Variants in RALGDS observed in about 807,000 individuals in gnomAD.
The protein encoded by RALGDS is ral guanine nucleotide exchange factor.
RALGDS carries 44 observed loss-of-function variants against 99.8 expected under a neutral mutation model. The ratio of observed to expected loss-of-function variants is 0.44; its 90% CI spans 0.35 to 0.57. RALGDS has a LOEUF of 0.57. Among genes scored for constraint, RALGDS ranks in the 20% least tolerant of loss-of-function variants. The pLI is 0.01. For missense variants in RALGDS, 1,022 were observed against 1,203.1 expected, an observed-to-expected ratio of 0.85 and a Z score of 2.23; for synonymous variants, 529 against 505.0, an observed-to-expected ratio of 1.05 and a Z score of -0.64.
At position 133,098,150 on chromosome 9, in the gene RALGDS, G is replaced by T; in HGVS notation, c.*437C>A. The T allele has an allele frequency of 3.3e-6, 1 of 303,942 alleles. No individual in the cohort carries two copies. Among genetic ancestry groups the T allele is most frequent in the South Asian group, 6.0e-5 (1 of 16,614 alleles). 18.8% of individuals were successfully genotyped at this position (303,942 alleles called of 1,614,324 possible). On this transcript the variant is annotated 3_prime_UTR_variant, in exon 18 of 18. Coordinates refer to ENST00000372050, the MANE Select transcript of RALGDS (RefSeq NM_006266.4). ...AAAGGCTAGAGTGGTGGGAGGGGCC[G>T]GGACCCCTGCGAAGGTCACAGGCCA...
intron 13 of RALGDS, 42 bp from the exon 14 acceptor site, chr9:133,102,613 C>T (rs756169300): frequency 2.5e-6 from 4 of 1,608,790 alleles, no homozygotes; most frequent in Non-Finnish European, 3.4e-6. Context: ...AGGGGCCATG[C>T]TCCGGCCTTC....
intron 1 of RALGDS, among the ~76,000 whole-genome samples, chr9:133,120,591 C>A (rs1296535616): frequency 6.6e-6 from 1 of 152,180 alleles, no homozygotes; most frequent in African/African-American, 2.4e-5. Context: ...ATCGTAAAGG[C>A]TAACGACGCG....
upstream of RALGDS, among the ~76,000 whole-genome samples, chr9:133,126,222 A>G (rs549542): frequency 0.24 from 34,892 of 145,824 alleles, 4,386 homozygotes; most frequent in East Asian, 0.38. Context: ...CAGGTTCCCA[A>G]CCTCCCCCCG....
chr9:133,120,938 C>G (rs761939066), intron 1 of RALGDS, 34 bp downstream of exon 1: 3 of 1,467,752 alleles, frequency 2.0e-6, no homozygotes, highest in Middle Eastern at 2.4e-4. Flanking sequence ...GAGGCTCCGA[C>G]GCACCCCCCG....
chr9:133,133,645 T>C (rs1403209701), upstream of RALGDS, among the ~76,000 whole-genome samples: 2 of 152,204 alleles, frequency 1.3e-5, no homozygotes. Context: ...GTGAGGGCCA[T>C]ACATGGCACA....
At chr9:133,120,857 A>G in intron 1 of RALGDS, 115 bp downstream of exon 1, 2 of 1,173,920 alleles carry the variant, frequency 1.7e-6, no homozygotes, top group Non-Finnish European at 2.2e-6. Context: ...GAGAGGAGGG[A>G]GGCGGCCCGC....
intron 5 of RALGDS, 132 bp downstream of exon 5, chr9:133,108,541 G>A (rs1831185899): frequency 7.1e-7 from 1 of 1,409,582 alleles, no homozygotes; most frequent in Non-Finnish European, 9.7e-7. Context: ...TCCTGCCTGT[G>A]GTCCCTGCCT....
At chr9:133,112,210 C>T (rs550191773) in intron 1 of RALGDS, 58 bp from the exon 2 acceptor site, 33 of 1,163,176 alleles carry the variant, frequency 2.8e-5, no homozygotes, top group African/African-American at 3.1e-5. Context: ...GCCTGGCCAC[C>T]GTGCAGGGGA....
intron 6 of RALGDS, among the ~76,000 whole-genome samples, 192 bp downstream of exon 6, chr9:133,107,796 G>GT (rs1831147033): frequency 6.6e-6 from 1 of 152,252 alleles, no homozygotes; most frequent in Non-Finnish European, 1.5e-5. Context: ...GAGGATAGGG[G>GT]TGACCTCATC....
At position 133,102,146 on chromosome 9, in the gene RALGDS, G is replaced by A. The variant is rs1402512487; in HGVS notation, c.2010-7C>T. 2.6e-6 allele frequency: 4 copies of A among 1,559,524 alleles called. No homozygotes were observed. Among genetic ancestry groups the A allele is most frequent in the Admixed American group, 3.8e-5 (2 of 52,046 alleles). On this transcript the variant is annotated splice_polypyrimidine_tract_variant and splice_region_variant and intron_variant, in intron 14 of 17. Coordinates refer to ENST00000372050, the MANE Select transcript of RALGDS (RefSeq NM_006266.4). Reference sequence around the variant, plus strand: ...AGTGCTGGGGGCCTGGCGGCTGGGTGAAGAGTTGGCTTAGTTAAGGGGGCT... The same window carrying A: ...AGTGCTGGGGGCCTGGCGGCTGGGTAAAGAGTTGGCTTAGTTAAGGGGGCT...
In RALGDS at chr9:133,109,697, C is replaced by A. The variant is rs374104780; in HGVS notation, c.513G>T (p.Thr171=). The A allele has an allele frequency of 1.2e-6, 2 of 1,613,778 alleles. No individual in the cohort carries two copies. Among genetic ancestry groups the A allele is most frequent in the Non-Finnish European group, 1.7e-6 (2 of 1,179,958 alleles). The change falls in exon 4 of 18, where the codon ACG becomes ACT. Residue 171 remains threonine (T), a synonymous_variant. Coordinates refer to ENST00000372050, the MANE Select transcript of RALGDS (RefSeq NM_006266.4). ...FKRYGRCDAL[T]ASSRYGCILP... is the part of the protein sequence containing the mutation. ...GGATGCAGCCGTATCTAGAGGAGGC[C>A]GTGAGGGCGTCACATCTACCGTACC...
chr9:133,129,854 C>T (rs890947554), intron 1 of RALGDS, among the ~76,000 whole-genome samples: 1 of 150,146 alleles, frequency 6.7e-6, no homozygotes, highest in South Asian at 2.1e-4. Context: ...CTCGCTCTGT[C>T]GCCCAGGCTG....
At chr9:133,136,997 G>C (rs1832437963) in intron 1 of RALGDS, among the ~76,000 whole-genome samples, 1 of 151,984 alleles carries the variant, frequency 6.6e-6, no homozygotes, top group Non-Finnish European at 1.5e-5. Flanking sequence ...CACTTTGGGA[G>C]GCCGAGGCGG....
chr9:133,127,948 G>T (rs1832214669), intron 1 of RALGDS, among the ~76,000 whole-genome samples: 1 of 152,252 alleles, frequency 6.6e-6, no homozygotes, highest in Non-Finnish European at 1.5e-5. Flanking sequence ...GGGATGCAGA[G>T]GGCTCCGGAT....
At chr9:133,099,047 C>T (rs560969709) in intron 17 of RALGDS, 1 of 428,120 alleles carries the variant, frequency 2.3e-6, no homozygotes, top group Non-Finnish European at 4.4e-6. Context: ...GCCCATACTG[C>T]AGTGCTGGCT....
At chr9:133,135,808 C>G (rs1301966627), upstream of RALGDS, among the ~76,000 whole-genome samples, 1 of 152,206 alleles carries the variant, frequency 6.6e-6, no homozygotes, top group South Asian at 2.1e-4. Context: ...CAAGATAGGG[C>G]CTGGCACATG....
At chr9:133,118,309 G>C (rs1831720420) in intron 1 of RALGDS, among the ~76,000 whole-genome samples, 1 of 152,228 alleles carries the variant, frequency 6.6e-6, no homozygotes, top group Non-Finnish European at 1.5e-5. Context: ...CCTGCACACA[G>C]TGTGATCAAG....
chr9:133,125,338 T>C (rs1394435283), upstream of RALGDS, among the ~76,000 whole-genome samples: 2 of 152,174 alleles, frequency 1.3e-5, no homozygotes, highest in Non-Finnish European at 1.5e-5. Context: ...CAGTGAGAGG[T>C]GAACAAGAGT....
chr9:133,119,278 G>C (rs776769748), intron 1 of RALGDS, among the ~76,000 whole-genome samples: 2 of 152,194 alleles, frequency 1.3e-5, no homozygotes, highest in African/African-American at 4.8e-5. Context: ...CAGGACGGGG[G>C]GTGTTGGCAG....
Sources: gnomAD v4.1 joint callset for allele counts (sites outside exome capture counted in the v4.1 genomes callset) on GRCh38, gnomAD v4.1.1 for gene constraint, MANE v1.5 for transcripts, NCBI Gene and HGNC (gene_info 2026-07-23, HGNC 2026-07-21) for gene names.